IQCM: variants seen among roughly 807,000 people sequenced by gnomAD.
IQCM encodes the protein IQ motif containing M.
In IQCM, 45 loss-of-function variants were observed where a neutral mutation model predicts 57.6. The ratio of observed to expected loss-of-function variants is 0.78; its 90% CI spans 0.62 to 1.00. The LOEUF is 1.00. Ranked by LOEUF, IQCM falls within the 50% of genes least tolerant of loss-of-function variation. The pLI, the probability that IQCM is intolerant of heterozygous loss-of-function variation, is 0.00. For missense variants in IQCM, 468 were observed against 511.6 expected (o/e 0.91, Z 0.82); for synonymous variants, 148 against 158.9 (o/e 0.93, Z 0.51).
chr4:149,543,313 A>G (rs1262654259), intron 12 of IQCM, among the ~76,000 whole-genome samples: 1 of 152,104 alleles, frequency 6.6e-6, no homozygotes, highest in Non-Finnish European at 1.5e-5. Flanking sequence ...ATATATTCAA[A>G]CTATATGTGG....
At chr4:149,511,345 C>G (rs142820460) in intron 12 of IQCM, among the ~76,000 whole-genome samples, 3,011 of 151,448 alleles carry the variant, frequency 0.02, 64 homozygotes, top group African/African-American at 0.048. Context: ...ATGGTGAAAC[C>G]TCATGTCTAC....
At chr4:149,614,690 A>G (rs547259300) in intron 8 of IQCM, among the ~76,000 whole-genome samples, 3 of 152,336 alleles carry the variant, frequency 2.0e-5, no homozygotes, top group South Asian at 4.1e-4. Context: ...GGGGCCACAC[A>G]TAAAATACAC....
intron 7 of IQCM, among the ~76,000 whole-genome samples, chr4:149,632,474 A>G (rs972123572): frequency 6.6e-6 from 1 of 152,226 alleles, no homozygotes; most frequent in African/African-American, 2.4e-5. Flanking sequence ...AAAAAAGATT[A>G]TTAATTTTGT....
rs565395145 is a variant in IQCM at position 149,708,316 on chromosome 4, A to C, written c.386-21848T>G. On this transcript the variant is annotated intron_variant, in intron 5 of 13. Transcript: ENST00000636793. ...ATACTTATATCCCTAATTGCACTTG[A>C]AATTGCTACAAGAAAACAAAGCTGA... is the stretch of plus-strand genomic sequence containing the variant. Among the ~76,000 whole-genome samples, 28 of 152,174 alleles carry C rather than the reference A, an allele frequency of 1.8e-4. No individual in the cohort carries two copies. The South Asian group carries it at 5.6e-3, about 30-fold the overall frequency.
At chr4:149,487,340 C>G (rs1466928310) in intron 12 of IQCM, among the ~76,000 whole-genome samples, 1 of 152,162 alleles carries the variant, frequency 6.6e-6, no homozygotes, top group Non-Finnish European at 1.5e-5. Flanking sequence ...TCACTTTCCT[C>G]TCTTTAAGCA....
intron 5 of IQCM, among the ~76,000 whole-genome samples, chr4:149,694,365 C>T (rs888417693): frequency 6.7e-6 from 1 of 150,170 alleles, no homozygotes; most frequent in Non-Finnish European, 1.5e-5. Flanking sequence ...GCTGGGACTA[C>T]AGGCGCCCGC....
intron 12 of IQCM, among the ~76,000 whole-genome samples, chr4:149,477,918 T>A (rs1740373787): frequency 1.3e-5 from 2 of 152,228 alleles, no homozygotes; most frequent in Admixed American, 1.3e-4. Context: ...TTAGTGGAGA[T>A]CTCTGGCATG....
chr4:149,807,208 C>T (rs1157950165), intron 2 of IQCM, among the ~76,000 whole-genome samples: 1 of 151,748 alleles, frequency 6.6e-6, no homozygotes, highest in Non-Finnish European at 1.5e-5. Flanking sequence ...TAGAGCAATC[C>T]TAAGCAAAAA....
chr4:149,814,645 C>G (rs1218794228), intron 2 of IQCM, among the ~76,000 whole-genome samples: 3 of 151,924 alleles, frequency 2.0e-5, no homozygotes, highest in African/African-American at 4.8e-5. Context: ...TCTAAAACCA[C>G]TATTCACCTC....
chr4:149,662,335 T>G (rs1760297074), intron 7 of IQCM, among the ~76,000 whole-genome samples: 1 of 152,100 alleles, frequency 6.6e-6, no homozygotes, highest in Non-Finnish European at 1.5e-5. Flanking sequence ...TTAAATTTGT[T>G]GAAACTTGTT....
chr4:149,579,446 T>C (rs1751969667), intron 9 of IQCM, among the ~76,000 whole-genome samples: 1 of 151,896 alleles, frequency 6.6e-6, no homozygotes, highest in Non-Finnish European at 1.5e-5. Flanking sequence ...GTCCTCTTTG[T>C]TCTGCCTATC....
chr4:149,575,311 T>C (rs749123578), intron 9 of IQCM, among the ~76,000 whole-genome samples: 2 of 151,864 alleles, frequency 1.3e-5, no homozygotes, highest in African/African-American at 2.4e-5. Flanking sequence ...AGGGGAGGGA[T>C]GTAATACATG....
At chr4:149,601,428 G>A (rs1321897557) in intron 8 of IQCM, among the ~76,000 whole-genome samples, 1 of 152,076 alleles carries the variant, frequency 6.6e-6, no homozygotes, top group African/African-American at 2.4e-5. Flanking sequence ...ACAGCAAGAA[G>A]AAAAGGCTGT....
intron 2 of IQCM, among the ~76,000 whole-genome samples, chr4:149,778,127 A>C (rs940263020): frequency 1.3e-5 from 2 of 152,260 alleles, no homozygotes; most frequent in Non-Finnish European, 2.9e-5. Flanking sequence ...CTGTAATCCC[A>C]GCACTTTGGG....
chr4:149,732,412 GC>G lies in IQCM; in HGVS notation c.385+831del, dbSNP rs2094155306. ...AAATTTTCAGGAGAAATCTCTTCTG[GC>G]CTTTGGTTGGTTGCTCCTCAGTGTT... On this transcript the variant is annotated intron_variant, in intron 5 of 13. Coordinates refer to ENST00000636793, the MANE Select transcript of IQCM (RefSeq NM_001363507.2). Among the ~76,000 whole-genome samples, 3 of 152,076 alleles carry G rather than the reference GC, an allele frequency of 2.0e-5. No homozygotes were observed. In the South Asian group the frequency reaches 6.2e-4, roughly 32 times the overall value.
chr4:149,385,499 T>C (rs1731361051), intron 13 of IQCM, among the ~76,000 whole-genome samples: 1 of 152,108 alleles, frequency 6.6e-6, no homozygotes, highest in Non-Finnish European at 1.5e-5. Flanking sequence ...CACTTTTGTA[T>C]TGGTGGATCA....
At chr4:149,632,629 C>A (rs949747435) in intron 7 of IQCM, among the ~76,000 whole-genome samples, 2 of 151,950 alleles carry the variant, frequency 1.3e-5, no homozygotes, top group African/African-American at 2.4e-5. Context: ...GATTACAGAA[C>A]AAAATTTTAG....
At chr4:149,607,049 A>G (rs1754848023) in intron 8 of IQCM, among the ~76,000 whole-genome samples, 1 of 152,092 alleles carries the variant, frequency 6.6e-6, no homozygotes, top group African/African-American at 2.4e-5. Context: ...ATTAATATCC[A>G]TGTACAAGAA....
At chr4:149,598,642 T>C (rs1398799679) in intron 8 of IQCM, among the ~76,000 whole-genome samples, 3 of 142,868 alleles carry the variant, frequency 2.1e-5, no homozygotes, top group Non-Finnish European at 4.8e-5. Flanking sequence ...CATACAAAAA[T>C]TCTCAACTTT....
Sources: allele counts gnomAD v4.1 joint callset (sites outside exome capture counted in the v4.1 genomes callset), GRCh38; gene constraint gnomAD v4.1.1; transcripts MANE v1.5; gene names NCBI Gene and HGNC (gene_info 2026-07-23, HGNC 2026-07-21).